Variants in UGT1A7 observed in about 807,000 individuals in gnomAD.
UGT1A7 encodes UDP-glucuronosyltransferase 1A7.
Under a neutral mutation model 45.6 loss-of-function variants are expected in UGT1A7, and 33 were observed. That is an observed-to-expected ratio of 0.72 (90% CI 0.55 to 0.97). UGT1A7 has a LOEUF of 0.97. Ranked by LOEUF, UGT1A7 falls within the 50% of genes least tolerant of loss-of-function variation. The probability of loss-of-function intolerance (pLI) is 0.00; values close to 1 mark genes in which losing one functional copy is unlikely to be tolerated. For missense variants in UGT1A7, 684 were observed against 666.2 expected, an observed-to-expected ratio of 1.03 and a Z score of -0.29; for synonymous variants, 274 against 250.6, an observed-to-expected ratio of 1.09 and a Z score of -0.88.
chr2:233,744,001 A>T, intron 1 of UGT1A7: 1 of 1,207,940 alleles, frequency 8.3e-7, no homozygotes, highest in Non-Finnish European at 1.1e-6. Context: ...GAGTGCTCGG[A>T]GACCTGGGCC....
At position 233,682,509 on chromosome 2, in the gene UGT1A7, C is replaced by T. The variant is rs1326644078; in HGVS notation, c.572C>T (p.Pro191Leu). 2.5e-6 allele frequency: 4 copies of T among 1,613,890 alleles called. No homozygotes were observed. The highest frequency in any genetic ancestry group is 1.1e-5 in the South Asian group (1 of 91,066). The change falls in exon 1 of 5, where the codon CCC (proline) becomes CTC (leucine). Residue 191 changes from proline (P) to leucine (L), a missense_variant. Physicochemically the swap from Pro to Leu is moderately conservative, Grantham distance 98. Coordinates refer to ENST00000373426, the MANE Select transcript of UGT1A7 (RefSeq NM_019077.3). The stretch of plus-strand genomic sequence containing the variant: ...TGCCCTGCTCCTCTTTCCTATGTCC[C>T]CAGACTTCTCTTAGGGTTCTCAGAC... ...AQCPAPLSYV[P>L]RLLLGFSDAM...
chr2:233,718,010 G>A lies in UGT1A7; in HGVS notation c.855+35218G>A, dbSNP rs28898608. On this transcript the variant is annotated intron_variant, in intron 1 of 4. Transcript: ENST00000373426. ...CAGACTGTGCAAGATCTGAGGCCAG[G>A]CTCCAGCTCCCCAGGTCCTTTGGTG... The A allele has an allele frequency of 4.4e-3, 1,784 of 402,414 alleles. 38 individuals carry two copies. Among genetic ancestry groups the A allele is most frequent in the African/African-American group, 0.033 (1,616 of 48,364 alleles). The allele number at this position is 402,414 out of a possible 1,614,324, so 24.9% of individuals were successfully genotyped here. A position where few individuals can be genotyped will look rare whatever the true frequency, so the allele number is the denominator to read the frequency against.
chr2:233,730,339 G>T (rs954764150), intron 1 of UGT1A7, among the ~76,000 whole-genome samples: 16 of 152,296 alleles, frequency 1.1e-4, no homozygotes, highest in Non-Finnish European at 7.4e-5. Context: ...GTTTGGAACT[G>T]ATCCATCCTG....
At chr2:233,721,716 GT>G (rs1452034335) in intron 1 of UGT1A7, 1 of 386,646 alleles carries the variant, frequency 2.6e-6, no homozygotes, top group African/African-American at 2.1e-5. Context: ...TGGATGCTTT[GT>G]TTACTTGGAT....
chr2:233,745,132 TG>T (rs1669104156), intron 1 of UGT1A7, among the ~76,000 whole-genome samples: 1 of 151,914 alleles, frequency 6.6e-6, no homozygotes, highest in Admixed American at 6.5e-5. Context: ...TCTGCAGATG[TG>T]AAGCCCAAGT....
intron 1 of UGT1A7, chr2:233,747,418 T>A: frequency 6.2e-7 from 1 of 1,607,692 alleles, no homozygotes; most frequent in Non-Finnish European, 8.5e-7. Flanking sequence ...AATATGCACA[T>A]CAAACAAGAG....
Position 233,718,936 on chromosome 2 carries a change from G to A in UGT1A7, c.855+36144G>A, listed in dbSNP as rs377569610. 7.4e-6 allele frequency: 12 copies of A among 1,614,050 alleles called. No homozygotes were observed. In the African/African-American group the frequency reaches 1.3e-4, roughly 18 times the overall value. Reference sequence around the variant, plus strand: ...GTGTTGGTGGTGCCCACTGATGGCAGCCCCTGGCTCAGCATGCGGGAGGCC... The same window carrying A: ...GTGTTGGTGGTGCCCACTGATGGCAACCCCTGGCTCAGCATGCGGGAGGCC... On this transcript the variant is annotated intron_variant, in intron 1 of 4. Coordinates refer to ENST00000373426, the MANE Select transcript of UGT1A7 (RefSeq NM_019077.3).
At chr2:233,738,943 T>C (rs1690943388) in intron 1 of UGT1A7, 1 of 152,080 alleles carries the variant, frequency 6.6e-6, no homozygotes, top group African/African-American at 2.4e-5. Flanking sequence ...AAAAATGGTG[T>C]TTTAGGCTGG....
At chr2:233,764,941 C>T (rs937605699) in intron 1 of UGT1A7, among the ~76,000 whole-genome samples, 2 of 152,052 alleles carry the variant, frequency 1.3e-5, no homozygotes, top group Admixed American at 6.5e-5. Flanking sequence ...GTGAGAGTGG[C>T]GGGGAGAGAG....
In UGT1A7 at chr2:233,745,292, C is replaced by T. The variant is rs13426130; in HGVS notation, c.856-21742C>T. On this transcript the variant is annotated intron_variant, in intron 1 of 4. Transcript: ENST00000373426. ...CCGTGTGTATAGCACTGGGGATAAA[C>T]GTGGGATGCAGTGATTATTTCCACT... 9.4e-3 allele frequency among the ~76,000 whole-genome samples: 1,433 copies of T among 151,880 alleles called. 51 individuals carry two copies. The highest frequency in any genetic ancestry group is 0.033 in the African/African-American group (1,366 of 41,200).
At position 233,749,723 on chromosome 2, in the gene UGT1A7, C is replaced by T. The variant is rs564280843; in HGVS notation, c.856-17311C>T. On this transcript the variant is annotated intron_variant, in intron 1 of 4. Coordinates refer to ENST00000373426, the MANE Select transcript of UGT1A7 (RefSeq NM_019077.3). ...GGTGATTGGATCATGGGGGCAGTTT[C>T]GCACCTGCTGGTCTCATCATAGTGA... 3.3e-5 allele frequency among the ~76,000 whole-genome samples: 5 copies of T among 151,978 alleles called. No individual in the cohort carries two copies. The South Asian group carries it at 6.2e-4, about 19-fold the overall frequency.
Position 233,769,475 on chromosome 2 carries a change from G to C in UGT1A7, c.1295+1036G>C. 1.2e-6 allele frequency: 2 copies of C among 1,611,166 alleles called. No individual in the cohort carries two copies. Among genetic ancestry groups the C allele is most frequent in the Non-Finnish European group, 1.7e-6 (2 of 1,178,526 alleles). On this transcript the variant is annotated intron_variant, in intron 4 of 4. Coordinates refer to ENST00000373426, the MANE Select transcript of UGT1A7 (RefSeq NM_019077.3). The surrounding 1 kb of genome is among the most constrained non-coding windows in gnomAD (Gnocchi z 4.4). ...TGTGCATTCATATGCGTGTGTGTGT[G>C]TGTGCGTGTGTTTATGAGAGTGTCC...
At position 233,764,416 on chromosome 2, in the gene UGT1A7, C is replaced by A. The variant is rs559795881; in HGVS notation, c.856-2618C>A. ...GACAACTTCTCTGCAGTTTGCCCTGCGTGAATCTCCAGATGAACTTTTGTG... is the reference window on the plus strand; with the variant it reads ...GACAACTTCTCTGCAGTTTGCCCTGAGTGAATCTCCAGATGAACTTTTGTG... On this transcript the variant is annotated intron_variant, in intron 1 of 4. Transcript: ENST00000373426. Among the ~76,000 whole-genome samples, 6 of 152,272 alleles carry A rather than the reference C, an allele frequency of 3.9e-5. No individual in the cohort carries two copies. In the South Asian group the frequency reaches 8.3e-4, roughly 21 times the overall value.
At chr2:233,746,047 C>G (rs1179932554) in intron 1 of UGT1A7, among the ~76,000 whole-genome samples, 1 of 151,694 alleles carries the variant, frequency 6.6e-6, no homozygotes, top group South Asian at 2.1e-4. Flanking sequence ...GGCTTGGATG[C>G]AGGGTCTAGA....
At chr2:233,718,658 G>A (rs3732218) in intron 1 of UGT1A7, 145,084 of 1,529,416 alleles carry the variant, frequency 0.095, 7,812 homozygotes, top group South Asian at 0.19. Flanking sequence ...ACGAAAGGCA[G>A]TTATAGATTA....
chr2:233,684,100 T>C (rs1272642973), intron 1 of UGT1A7, among the ~76,000 whole-genome samples: 11 of 152,174 alleles, frequency 7.2e-5, no homozygotes, highest in Admixed American at 7.2e-4. Flanking sequence ...GTATACATTT[T>C]TATCTATTGT....
chr2:233,771,260 C>CT (rs891018282), intron 4 of UGT1A7: 6 of 151,570 alleles, frequency 4.0e-5, no homozygotes, highest in Admixed American at 6.6e-5. Flanking sequence ...ATAGGAGTGC[C>CT]TTTTTTTTTC....
chr2:233,690,031 G>T (rs749154474), intron 1 of UGT1A7: 7 of 427,522 alleles, frequency 1.6e-5, no homozygotes, highest in Non-Finnish European at 2.8e-5. Context: ...CTCAAGATCT[G>T]GGCCCAGAGC....
intron 1 of UGT1A7, chr2:233,743,521 C>T (rs777952241): frequency 4.4e-6 from 6 of 1,367,160 alleles, no homozygotes; most frequent in Non-Finnish European, 5.9e-6. Flanking sequence ...TCTGCTTCTG[C>T]TTCCCCAGCA....
Sources: allele counts gnomAD v4.1 joint callset (sites outside exome capture counted in the v4.1 genomes callset), GRCh38; gene constraint gnomAD v4.1.1; non-coding constraint Gnocchi (gnomAD v3.1); transcripts MANE v1.5; gene names NCBI Gene and HGNC (gene_info 2026-07-23, HGNC 2026-07-21).